The following NKAIN3 variants were observed in gnomAD, a reference collection of about 807,000 sequenced individuals.
NKAIN3 encodes sodium/potassium transporting ATPase interacting 3, also known as sodium/potassium-transporting ATPase subunit beta-1-interacting protein 3.
A neutral mutation model predicts 30.2 loss-of-function variants in NKAIN3; 25 were observed. The ratio of observed to expected loss-of-function variants is 0.83; its 90% CI spans 0.60 to 1.16. NKAIN3 has a LOEUF of 1.16. Among genes scored for constraint, NKAIN3 ranks in the 50% most tolerant of loss-of-function variants. NKAIN3 has a pLI of 0.00. For missense variants in NKAIN3, 225 were observed against 254.1 expected, an observed-to-expected ratio of 0.89 and a Z score of 0.78; for synonymous variants, 91 against 89.6, an observed-to-expected ratio of 1.02 and a Z score of -0.09.
At chr8:62,746,602 CA>C (rs1433791442) in intron 3 of NKAIN3, among the ~76,000 whole-genome samples, 3 of 152,062 alleles carry the variant, frequency 2.0e-5, no homozygotes, top group African/African-American at 7.2e-5. Flanking sequence ...GATGTTGCAG[CA>C]ACAAGAAAAT....
intron 3 of NKAIN3, among the ~76,000 whole-genome samples, chr8:62,628,458 A>G (rs1811855160): frequency 1.3e-5 from 2 of 152,132 alleles, no homozygotes; most frequent in Non-Finnish European, 2.9e-5. Flanking sequence ...GAATGATCCC[A>G]TTATCTAATG....
chr8:62,383,924 A>G (rs1467395078), intron 1 of NKAIN3, among the ~76,000 whole-genome samples: 1 of 145,026 alleles, frequency 6.9e-6, no homozygotes, highest in African/African-American at 2.5e-5. Flanking sequence ...GGATTTATGT[A>G]TCTTGAAATG....
rs1160077935 is a variant in NKAIN3, at chr8:62,975,139, C to G, written c.*9732C>G. Among the ~76,000 whole-genome samples, 3 of 152,098 alleles carry G rather than the reference C, an allele frequency of 2.0e-5. No individual in the cohort carries two copies. The highest frequency in any genetic ancestry group is 2.0e-4 in the Admixed American group (3 of 15,264). The stretch of plus-strand genomic sequence containing the variant: ...GAAATTTTCATTTTTTGTTGTGTCT[C>G]TGCCTGGGATTGGTATCAGAATGAT... On this transcript the variant is annotated 3_prime_UTR_variant, in exon 7 of 7. Transcript: ENST00000623646.
intron 1 of NKAIN3, among the ~76,000 whole-genome samples, chr8:62,345,591 A>ATATATACACATATATGTATATACACG: frequency 6.8e-6 from 1 of 146,992 alleles, no homozygotes; most frequent in African/African-American, 2.5e-5. Flanking sequence ...GTATATACAC[A>ATATATACACATATATGTATATACACG]CATATATACA....
intron 4 of NKAIN3, among the ~76,000 whole-genome samples, chr8:62,803,566 C>T (rs796214888): frequency 1.9e-3 from 287 of 151,972 alleles, no homozygotes; most frequent in Middle Eastern, 3.4e-3. Context: ...TTGAAACCAA[C>T]GAGAACAAAG....
intron 3 of NKAIN3, among the ~76,000 whole-genome samples, chr8:62,710,769 C>A (rs915060394): frequency 1.3e-5 from 2 of 151,984 alleles, no homozygotes; most frequent in African/African-American, 4.8e-5. Flanking sequence ...CTCTTCATTG[C>A]CTGTGTACTT....
chr8:62,574,486 A>T (rs1341289849), intron 1 of NKAIN3, among the ~76,000 whole-genome samples: 1 of 152,160 alleles, frequency 6.6e-6, no homozygotes, highest in South Asian at 2.1e-4. Context: ...TAACAAAAAT[A>T]ACAAAATTGG....
At chr8:62,806,802 A>C (rs1056823258) in intron 4 of NKAIN3, among the ~76,000 whole-genome samples, 4 of 151,628 alleles carry the variant, frequency 2.6e-5, no homozygotes, top group African/African-American at 9.7e-5. Flanking sequence ...GTTAAAGTAT[A>C]ATAATAATAA....
chr8:62,324,259 T>C (rs559281972), intron 1 of NKAIN3, among the ~76,000 whole-genome samples: 2 of 152,204 alleles, frequency 1.3e-5, no homozygotes, highest in African/African-American at 4.8e-5. Flanking sequence ...GTCATATTTC[T>C]GTAAATGTAA....
intron 5 of NKAIN3, among the ~76,000 whole-genome samples, chr8:62,922,715 T>G (rs1325971945): frequency 6.6e-6 from 1 of 151,998 alleles, no homozygotes; most frequent in Non-Finnish European, 1.5e-5. Context: ...AATAAGCCAT[T>G]AAGAATCTAC....
chr8:62,525,452 T>G (rs573778285), intron 1 of NKAIN3, among the ~76,000 whole-genome samples: 41 of 152,316 alleles, frequency 2.7e-4, no homozygotes, highest in African/African-American at 8.7e-4. Context: ...CTTGTCCATG[T>G]GTTCTCATTA....
At chr8:62,921,260 A>T (rs920323526) in intron 5 of NKAIN3, among the ~76,000 whole-genome samples, 2 of 152,224 alleles carry the variant, frequency 1.3e-5, no homozygotes, top group Non-Finnish European at 2.9e-5. Flanking sequence ...CAAATATAAT[A>T]TAATGTCAGT....
chr8:62,260,047 T>C (rs888780785), intron 1 of NKAIN3, among the ~76,000 whole-genome samples: 26 of 152,322 alleles, frequency 1.7e-4, no homozygotes, highest in African/African-American at 5.8e-4. Flanking sequence ...TTTAGAATGC[T>C]CTGTTCCTTT....
chr8:62,737,409 A>G (rs1380795285), intron 3 of NKAIN3, among the ~76,000 whole-genome samples: 1 of 152,188 alleles, frequency 6.6e-6, no homozygotes, highest in Non-Finnish European at 1.5e-5. Flanking sequence ...GCTCTCCAGA[A>G]AGTCAATAAG....
intron 4 of NKAIN3, among the ~76,000 whole-genome samples, chr8:62,774,762 T>C (rs943891057): frequency 2.0e-5 from 3 of 152,192 alleles, no homozygotes; most frequent in Admixed American, 6.6e-5. Context: ...TCCAACTTGG[T>C]TATGATGAGA....
At chr8:62,833,372 C>T (rs892649889) in intron 4 of NKAIN3, among the ~76,000 whole-genome samples, 10 of 151,686 alleles carry the variant, frequency 6.6e-5, no homozygotes, top group Admixed American at 2.6e-4. Flanking sequence ...TCCATACAAC[C>T]GATCAACAAA....
intron 5 of NKAIN3, among the ~76,000 whole-genome samples, chr8:62,940,000 C>T (rs1269025073): frequency 6.6e-6 from 1 of 152,070 alleles, no homozygotes; most frequent in East Asian, 1.9e-4. Context: ...CAAGTCTCTT[C>T]TGTCTTCAAG....
chr8:62,803,182 A>G (rs1367918930), intron 4 of NKAIN3, among the ~76,000 whole-genome samples: 4 of 152,154 alleles, frequency 2.6e-5, no homozygotes, highest in East Asian at 3.9e-4. Context: ...TTAACACCCC[A>G]CTGTCAACAT....
At position 62,856,660 on chromosome 8, in the gene NKAIN3, C is replaced by T. The variant is rs982285993; in HGVS notation, c.472-61793C>T. 1.7e-5 allele frequency: 13 copies of T among 771,258 alleles called. No individual in the cohort carries two copies. The Admixed American group carries it at 1.9e-4, about 11-fold the overall frequency. 47.8% of individuals were successfully genotyped at this position (771,258 alleles called of 1,614,324 possible). A position where few individuals can be genotyped will look rare whatever the true frequency, so the allele number is the denominator to read the frequency against. On this transcript the variant is annotated intron_variant, in intron 4 of 6. Transcript: ENST00000623646. The stretch of plus-strand genomic sequence containing the variant: ...AGGTTGGCACAGATACACAGCACTT[C>T]ACTGAGTGAGTCATCAGATCTGTGG...
Sources: allele counts gnomAD v4.1 joint callset (sites outside exome capture counted in the v4.1 genomes callset), GRCh38; gene constraint gnomAD v4.1.1; transcripts MANE v1.5; gene names NCBI Gene and HGNC (gene_info 2026-07-23, HGNC 2026-07-21).